The following VRK2 variants were observed in gnomAD, a reference collection of about 807,000 sequenced individuals.
The protein encoded by VRK2 is VRK serine/threonine kinase 2.
VRK2 carries 60 observed loss-of-function variants against 57.6 expected under a neutral mutation model. That is an observed-to-expected ratio of 1.04 (90% CI 0.85 to 1.29). The LOEUF is 1.29. Ranked by LOEUF, VRK2 falls within the 50% of genes most tolerant of loss-of-function variation. The probability of loss-of-function intolerance (pLI) is 0.00; values close to 1 mark genes in which losing one functional copy is unlikely to be tolerated. For missense variants in VRK2, 705 were observed against 588.1 expected, an observed-to-expected ratio of 1.20 and a Z score of -2.06; for synonymous variants, 231 against 199.2, an observed-to-expected ratio of 1.16 and a Z score of -1.35.
chr2:57,962,508 A>C (rs1671792322), intron 1 of VRK2, among the ~76,000 whole-genome samples: 1 of 152,054 alleles, frequency 6.6e-6, no homozygotes, highest in African/African-American at 2.4e-5. Flanking sequence ...TGTAGAGATT[A>C]ATTAGTCACC....
At chr2:57,989,620 T>C (rs1208455024) in intron 1 of VRK2, among the ~76,000 whole-genome samples, 1 of 152,180 alleles carries the variant, frequency 6.6e-6, no homozygotes, top group African/African-American at 2.4e-5. Context: ...ATCAATAAAG[T>C]GCCACTGATA....
At chr2:58,076,701 C>T (rs1670161164) in intron 2 of VRK2, among the ~76,000 whole-genome samples, 1 of 151,350 alleles carries the variant, frequency 6.6e-6, no homozygotes, top group African/African-American at 2.4e-5. Flanking sequence ...TAGTGTTTAT[C>T]ATTAGTTTTT....
intron 2 of VRK2, among the ~76,000 whole-genome samples, chr2:58,064,821 A>G (rs1668401798): frequency 6.6e-6 from 1 of 152,164 alleles, no homozygotes; most frequent in African/African-American, 2.4e-5. Flanking sequence ...TTTCAAGTAT[A>G]CAAGAATTTA....
chr2:58,012,872 C>T (rs991632324), intron 1 of VRK2, among the ~76,000 whole-genome samples: 5 of 152,088 alleles, frequency 3.3e-5, no homozygotes, highest in African/African-American at 1.2e-4. Flanking sequence ...ATTTTAGTTA[C>T]CATTATGCAG....
intron 10 of VRK2, among the ~76,000 whole-genome samples, chr2:58,139,300 T>C (rs1680985034): frequency 6.6e-6 from 1 of 152,146 alleles, no homozygotes; most frequent in South Asian, 2.1e-4. Flanking sequence ...TTTTAGAAGT[T>C]CAGCATAAAG....
At chr2:58,074,377 T>G (rs374080944) in intron 2 of VRK2, among the ~76,000 whole-genome samples, 2 of 151,450 alleles carry the variant, frequency 1.3e-5, no homozygotes, top group Non-Finnish European at 2.9e-5. Context: ...TTTTTATCTG[T>G]TTTTTTTGCC....
intron 2 of VRK2, among the ~76,000 whole-genome samples, chr2:58,059,559 G>A (rs531220926): frequency 3.3e-5 from 5 of 151,878 alleles, no homozygotes; most frequent in East Asian, 3.9e-4. Flanking sequence ...AAATAGGATC[G>A]TGTTAACATA....
upstream of VRK2, among the ~76,000 whole-genome samples, chr2:58,042,324 C>A (rs528485990): frequency 3.2e-4 from 48 of 152,176 alleles, no homozygotes; most frequent in South Asian, 9.8e-3. Context: ...CTTGGAATTC[C>A]ATTTACCTGA....
At chr2:58,001,103 T>C (rs1158650671) in intron 1 of VRK2, among the ~76,000 whole-genome samples, 1 of 152,226 alleles carries the variant, frequency 6.6e-6, no homozygotes, top group Non-Finnish European at 1.5e-5. Context: ...AATATTAAAT[T>C]AGAGAAGCAG....
intron 1 of VRK2, among the ~76,000 whole-genome samples, chr2:57,960,872 C>T (rs1671736506): frequency 6.6e-6 from 1 of 152,194 alleles, no homozygotes; most frequent in African/African-American, 2.4e-5. Context: ...AAGGGCCCTG[C>T]CCTCCTCCAT....
chr2:57,911,998 G>T (rs1669999846), intron 1 of VRK2, among the ~76,000 whole-genome samples: 1 of 152,112 alleles, frequency 6.6e-6, no homozygotes, highest in African/African-American at 2.4e-5. Flanking sequence ...GCTAAATATA[G>T]GAGCACATTA....
chr2:57,931,577 CT>C (rs756971083), intron 1 of VRK2, among the ~76,000 whole-genome samples: 10 of 152,006 alleles, frequency 6.6e-5, no homozygotes, highest in Non-Finnish European at 1.0e-4. Context: ...GTGCCTTTGC[CT>C]TTTGTTGACT....
At chr2:58,062,141 A>G (rs1677438895) in intron 2 of VRK2, among the ~76,000 whole-genome samples, 1 of 151,896 alleles carries the variant, frequency 6.6e-6, no homozygotes, top group Admixed American at 6.6e-5. Flanking sequence ...CTTTTTTGTT[A>G]TTATATCTGT....
intron 12 of VRK2, among the ~76,000 whole-genome samples, chr2:58,151,732 T>G (rs13022759): frequency 3.2e-5 from 2 of 63,180 alleles, no homozygotes; most frequent in Admixed American, 1.5e-4. Context: ...TCTATGCTTG[T>G]TTTTTTTTTT....
At chr2:57,934,207 T>G (rs896856078) in intron 1 of VRK2, among the ~76,000 whole-genome samples, 3 of 152,228 alleles carry the variant, frequency 2.0e-5, no homozygotes, top group Non-Finnish European at 2.9e-5. Flanking sequence ...TGAATTTGAC[T>G]GTATACTAAC....
At chr2:58,100,647 T>C (rs977033448) in intron 7 of VRK2, among the ~76,000 whole-genome samples, 2 of 151,854 alleles carry the variant, frequency 1.3e-5, no homozygotes, top group African/African-American at 4.8e-5. Context: ...TAGGATTATT[T>C]TAAAATTATA....
At chr2:58,027,370 TAAG>T (rs1224037819) in intron 2 of VRK2, among the ~76,000 whole-genome samples, 2 of 152,160 alleles carry the variant, frequency 1.3e-5, no homozygotes, top group African/African-American at 4.8e-5. Flanking sequence ...TGGATAGTGG[TAAG>T]AAGACTTCTA....
At chr2:57,911,168 T>C (rs1028522620) in intron 1 of VRK2, among the ~76,000 whole-genome samples, 14 of 152,192 alleles carry the variant, frequency 9.2e-5, no homozygotes, top group Admixed American at 6.5e-4. Context: ...AGTTACTTCA[T>C]GGTAATATTA....
At chr2:58,008,224 G>T (rs746088222) in intron 1 of VRK2, among the ~76,000 whole-genome samples, 1 of 151,838 alleles carries the variant, frequency 6.6e-6, no homozygotes, top group Non-Finnish European at 1.5e-5. Flanking sequence ...TTACACTAGG[G>T]TCAAATAAGA....
Sources: gnomAD v4.1 joint callset for allele counts (sites outside exome capture counted in the v4.1 genomes callset) on GRCh38, gnomAD v4.1.1 for gene constraint, MANE v1.5 for transcripts, NCBI Gene and HGNC (gene_info 2026-07-23, HGNC 2026-07-21) for gene names.